THSD4: variants seen among roughly 807,000 people sequenced by gnomAD.
THSD4 encodes thrombospondin type 1 domain containing 4.
THSD4 carries 69 observed loss-of-function variants against 119.0 expected under a neutral mutation model. The ratio of observed to expected loss-of-function variants is 0.58; its 90% CI spans 0.48 to 0.71. THSD4 has a LOEUF of 0.71. Among genes scored for constraint, THSD4 ranks in the 30% least tolerant of loss-of-function variants. The pLI, the probability that THSD4 is intolerant of heterozygous loss-of-function variation, is 0.00. For synonymous variants in THSD4, 524 were observed against 540.4 expected (o/e 0.97, Z 0.42); for missense variants, 1,393 against 1,391.1 (o/e 1.00, Z -0.02).
chr15:71,571,334 C>T (rs773733388), intron 7 of THSD4, among the ~76,000 whole-genome samples: 9 of 152,002 alleles, frequency 5.9e-5, no homozygotes, highest in Non-Finnish European at 1.0e-4. Flanking sequence ...GCCGCATGCT[C>T]GTTTCCTATG....
intron 3 of THSD4, among the ~76,000 whole-genome samples, chr15:71,160,751 G>A (rs1313551786): frequency 1.3e-5 from 2 of 149,392 alleles, no homozygotes. Flanking sequence ...AACACAAACT[G>A]TTTATTTTGT....
At chr15:71,642,919 G>C (rs1179609188) in intron 7 of THSD4, among the ~76,000 whole-genome samples, 1 of 152,008 alleles carries the variant, frequency 6.6e-6, no homozygotes, top group Non-Finnish European at 1.5e-5. Context: ...CCTGCACATT[G>C]TGCACATGTG....
chr15:71,204,622 A>G (rs537428104), intron 3 of THSD4, among the ~76,000 whole-genome samples: 3 of 152,306 alleles, frequency 2.0e-5, no homozygotes, highest in African/African-American at 7.2e-5. Context: ...GCTGGCCTCA[A>G]ATCACAAAGA....
intron 3 of THSD4, among the ~76,000 whole-genome samples, chr15:71,203,783 T>C (rs936929961): frequency 6.6e-6 from 1 of 152,214 alleles, no homozygotes; most frequent in East Asian, 1.9e-4. Context: ...CAGGTGTTTG[T>C]TGAACACTTG....
intron 8 of THSD4, among the ~76,000 whole-genome samples, chr15:71,718,193 G>A (rs927861907): frequency 2.0e-5 from 3 of 151,948 alleles, no homozygotes; most frequent in Non-Finnish European, 4.4e-5. Context: ...TCTGAGTAAT[G>A]GGAGAACAAT....
intron 6 of THSD4, among the ~76,000 whole-genome samples, chr15:71,406,643 GGT>G (rs56347233): frequency 0.21 from 26,873 of 125,504 alleles, 2,522 homozygotes; most frequent in Non-Finnish European, 0.24. Flanking sequence ...AGGTTTGTTT[GGT>G]GTGTGTGTGT....
At chr15:71,411,873 T>C (rs943214592) in intron 7 of THSD4, 50 bp downstream of exon 7, 12 of 1,605,760 alleles carry the variant, frequency 7.5e-6, no homozygotes, top group Admixed American at 1.7e-5. Context: ...GATCTGTGAC[T>C]GCTGACTCCA....
At chr15:71,264,465 G>C (rs1259228375) in intron 6 of THSD4, among the ~76,000 whole-genome samples, 1 of 152,218 alleles carries the variant, frequency 6.6e-6, no homozygotes, top group Non-Finnish European at 1.5e-5. Context: ...GCATATCATT[G>C]AGGACAAAGC....
At chr15:71,610,787 C>G (rs1000504222) in intron 7 of THSD4, among the ~76,000 whole-genome samples, 1 of 152,150 alleles carries the variant, frequency 6.6e-6, no homozygotes, top group African/African-American at 2.4e-5. Context: ...AGGTAATGCT[C>G]TGATAATCAT....
intron 1 of THSD4, among the ~76,000 whole-genome samples, chr15:71,099,692 T>C (rs879894388): frequency 7.9e-5 from 12 of 152,110 alleles, no homozygotes; most frequent in Non-Finnish European, 1.5e-4. Flanking sequence ...TTGCTGGGCA[T>C]GGTGGCTCAC....
At chr15:71,258,611 T>C (rs979479631) in intron 6 of THSD4, among the ~76,000 whole-genome samples, 2 of 152,218 alleles carry the variant, frequency 1.3e-5, no homozygotes, top group Non-Finnish European at 2.9e-5. Context: ...TTGAAGGCAT[T>C]GTACTCCCAA....
At chr15:71,273,813 C>T (rs374841515) in intron 6 of THSD4, among the ~76,000 whole-genome samples, 7 of 152,282 alleles carry the variant, frequency 4.6e-5, no homozygotes, top group Admixed American at 6.5e-5. Flanking sequence ...AAGCAACAGA[C>T]ACCAATTTTG....
chr15:71,301,264 A>G (rs977391928), intron 6 of THSD4, among the ~76,000 whole-genome samples: 5 of 152,226 alleles, frequency 3.3e-5, no homozygotes, highest in Non-Finnish European at 5.9e-5. Context: ...TATGTATATA[A>G]TGTTGCTTAA....
intron 6 of THSD4, among the ~76,000 whole-genome samples, chr15:71,283,003 A>C (rs8027236): frequency 0.7 from 99,093 of 142,442 alleles, 34,326 homozygotes; most frequent in East Asian, 0.86. Context: ...GGAGTTTTGC[A>C]CTGTCACCCA....
At chr15:71,452,711 G>T (rs1252625915) in intron 7 of THSD4, among the ~76,000 whole-genome samples, 3 of 152,076 alleles carry the variant, frequency 2.0e-5, no homozygotes, top group Non-Finnish European at 4.4e-5. Flanking sequence ...CACCTCCTGG[G>T]TTCAAGTGAT....
intron 14 of THSD4, among the ~76,000 whole-genome samples, chr15:71,754,277 A>T (rs1244413380): frequency 6.6e-6 from 1 of 151,818 alleles, no homozygotes; most frequent in Non-Finnish European, 1.5e-5. Context: ...TTTAGTAGAG[A>T]TGGGGTTTCA....
chr15:71,601,238 G>T (rs1303982332), intron 7 of THSD4, among the ~76,000 whole-genome samples: 1 of 152,198 alleles, frequency 6.6e-6, no homozygotes, highest in Non-Finnish European at 1.5e-5. Context: ...AACACTTCCT[G>T]CTGTGTGTGA....
chr15:71,700,066 T>C (rs2052253267), intron 8 of THSD4, among the ~76,000 whole-genome samples: 1 of 152,100 alleles, frequency 6.6e-6, no homozygotes. Flanking sequence ...ATAAGGATAC[T>C]CAATATCACT....
chr15:71,399,832 A>G (rs957364705), intron 6 of THSD4, among the ~76,000 whole-genome samples: 1 of 152,198 alleles, frequency 6.6e-6, no homozygotes, highest in African/African-American at 2.4e-5. Context: ...AAAGACCCCC[A>G]GGTAATTCTG....
Sources: gnomAD v4.1 joint callset for allele counts (sites outside exome capture counted in the v4.1 genomes callset) on GRCh38, gnomAD v4.1.1 for gene constraint, MANE v1.5 for transcripts, NCBI Gene and HGNC (gene_info 2026-07-23, HGNC 2026-07-21) for gene names.